Variants in CEP128 observed in about 807,000 individuals in gnomAD.
CEP128 encodes the protein centrosomal protein 128.
Under a neutral mutation model 156.7 loss-of-function variants are expected in CEP128, and 132 were observed. The observed-to-expected ratio is 0.84, with a 90% confidence interval of 0.73 to 0.97. The LOEUF is 0.97. Ranked by LOEUF, CEP128 falls within the 50% of genes least tolerant of loss-of-function variation. The pLI is 0.00. For missense variants in CEP128, 1,252 were observed against 1,281.9 expected, an observed-to-expected ratio of 0.98 and a Z score of 0.36; for synonymous variants, 469 against 448.9, an observed-to-expected ratio of 1.04 and a Z score of -0.57.
At chr14:80,547,733 ATTTTGTGAAC>A (rs992108104) in intron 21 of CEP128, among the ~76,000 whole-genome samples, 26 of 152,156 alleles carry the variant, frequency 1.7e-4, no homozygotes, top group African/African-American at 6.3e-4. Flanking sequence ...CAACATAGAA[ATTTTGTGAAC>A]ACCCCAGATT....
At chr14:80,600,226 T>G (rs1159823923) in intron 19 of CEP128, among the ~76,000 whole-genome samples, 1 of 152,206 alleles carries the variant, frequency 6.6e-6, no homozygotes, top group Non-Finnish European at 1.5e-5. Flanking sequence ...AAGGAATTAT[T>G]TGAAACGTAA....
At chr14:80,557,640 T>C (rs1183001739) in intron 21 of CEP128, among the ~76,000 whole-genome samples, 3 of 152,272 alleles carry the variant, frequency 2.0e-5, no homozygotes, top group Middle Eastern at 6.8e-3. Flanking sequence ...CTGAGAATAG[T>C]GTACTTTCTA....
Position 80,875,951 on chromosome 14 carries a change from A to C in CEP128, c.646-13078T>G, listed in dbSNP as rs563308845. 3.9e-5 allele frequency among the ~76,000 whole-genome samples: 6 copies of C among 152,180 alleles called. No individual in the cohort carries two copies. The East Asian group carries it at 1.2e-3, about 29-fold the overall frequency. On this transcript the variant is annotated intron_variant, in intron 8 of 24. Coordinates refer to ENST00000555265, the MANE Select transcript of CEP128 (RefSeq NM_152446.5). ...AATTAAATACAAAATTAAATAACAA[A>C]ATAGCATAAAAGTGAAAAGCGGGGT...
chr14:80,515,686 C>A (rs1312554112), intron 23 of CEP128, among the ~76,000 whole-genome samples: 8 of 152,160 alleles, frequency 5.3e-5, no homozygotes, highest in Non-Finnish European at 7.4e-5. Flanking sequence ...AGGGTCCCCA[C>A]TCTGCCTGAG....
intron 21 of CEP128, among the ~76,000 whole-genome samples, chr14:80,533,925 C>T (rs56028333): frequency 0.15 from 22,228 of 152,068 alleles, 2,186 homozygotes; most frequent in African/African-American, 0.27. Context: ...GCATTTAGCT[C>T]ACCCAGGGGA....
intron 19 of CEP128, among the ~76,000 whole-genome samples, chr14:80,720,793 T>C (rs1286710026): frequency 6.6e-6 from 1 of 152,192 alleles, no homozygotes; most frequent in Non-Finnish European, 1.5e-5. Context: ...CTAGTCTGAA[T>C]GGAAAATAAC....
At chr14:80,755,751 C>T (rs1274548072) in intron 18 of CEP128, among the ~76,000 whole-genome samples, 1 of 152,182 alleles carries the variant, frequency 6.6e-6, no homozygotes, top group East Asian at 1.9e-4. Flanking sequence ...AATTATAGTA[C>T]TGTAGCCCAT....
intron 2 of CEP128, among the ~76,000 whole-genome samples, chr14:80,921,459 G>T (rs911125605): frequency 2.8e-4 from 42 of 152,158 alleles, no homozygotes; most frequent in African/African-American, 9.9e-4. Flanking sequence ...CTCAACCTTG[G>T]ACTTCTCAGC....
chr14:80,751,854 C>T (rs181915746), intron 18 of CEP128, among the ~76,000 whole-genome samples: 1 of 152,262 alleles, frequency 6.6e-6, no homozygotes, highest in East Asian at 1.9e-4. Flanking sequence ...TGGTCTCGAA[C>T]TCCCAACCTC....
chr14:80,927,436 T>C (rs1351883437), intron 2 of CEP128, among the ~76,000 whole-genome samples: 1 of 152,136 alleles, frequency 6.6e-6, no homozygotes, highest in East Asian at 1.9e-4. Context: ...GGTGCATCTG[T>C]AGACAGCCTT....
intron 13 of CEP128, among the ~76,000 whole-genome samples, chr14:80,800,326 TA>T (rs756683492): frequency 7.2e-4 from 109 of 151,908 alleles, no homozygotes; most frequent in South Asian, 1.2e-3. Flanking sequence ...CCCAAAAGAG[TA>T]ACTGACACAT....
intron 19 of CEP128, among the ~76,000 whole-genome samples, chr14:80,659,306 C>T (rs993678189): frequency 8.5e-5 from 13 of 152,118 alleles, no homozygotes; most frequent in Admixed American, 8.5e-4. Context: ...AAATGGCCCT[C>T]TCTGTCTCAA....
intron 16 of CEP128, among the ~76,000 whole-genome samples, chr14:80,769,462 C>T (rs1292144382): frequency 2.0e-5 from 3 of 151,890 alleles, no homozygotes; most frequent in Non-Finnish European, 2.9e-5. Context: ...CGGTGTGTGA[C>T]GTTCCCATTG....
At chr14:80,834,747 A>T (rs1355165914) in intron 12 of CEP128, among the ~76,000 whole-genome samples, 5 of 152,222 alleles carry the variant, frequency 3.3e-5, no homozygotes, top group Non-Finnish European at 7.3e-5. Flanking sequence ...GTGCATCTTT[A>T]TGAAGTTTGA....
intron 20 of CEP128, among the ~76,000 whole-genome samples, chr14:80,569,842 T>A (rs1187127716): frequency 6.6e-6 from 1 of 152,112 alleles, no homozygotes; most frequent in East Asian, 1.9e-4. Flanking sequence ...TTGGTCAGCT[T>A]ACATCCCTAT....
chr14:80,795,843 C>T (rs1327226029), intron 13 of CEP128, among the ~76,000 whole-genome samples: 11 of 152,148 alleles, frequency 7.2e-5, no homozygotes, highest in Admixed American at 7.2e-4. Context: ...TTCTCTTTTC[C>T]AGCCTCCAAG....
At chr14:80,872,406 C>T (rs554370897) in intron 8 of CEP128, among the ~76,000 whole-genome samples, 13 of 152,248 alleles carry the variant, frequency 8.5e-5, no homozygotes, top group African/African-American at 3.1e-4. Flanking sequence ...ACATCAAATA[C>T]TGACATATAT....
intron 18 of CEP128, among the ~76,000 whole-genome samples, chr14:80,744,931 A>T (rs892733016): frequency 9.2e-5 from 14 of 152,218 alleles, no homozygotes; most frequent in African/African-American, 3.1e-4. Flanking sequence ...AGCCGTATTT[A>T]TGAATATGCC....
At chr14:80,501,116 C>T (rs1887712641) in intron 24 of CEP128, among the ~76,000 whole-genome samples, 1 of 151,846 alleles carries the variant, frequency 6.6e-6, no homozygotes, top group Admixed American at 6.6e-5. Context: ...TAGAATCTTT[C>T]CTTTCTTCCT....
Sources: allele counts gnomAD v4.1 joint callset (sites outside exome capture counted in the v4.1 genomes callset), GRCh38; gene constraint gnomAD v4.1.1; transcripts MANE v1.5; gene names NCBI Gene and HGNC (gene_info 2026-07-23, HGNC 2026-07-21).